SDC3: variants seen among roughly 807,000 people sequenced by gnomAD.
SDC3 encodes the protein syndecan-3.
SDC3 carries 13 observed loss-of-function variants against 24.4 expected under a neutral mutation model. That is an observed-to-expected ratio of 0.53 (90% CI 0.35 to 0.85). The LOEUF is 0.85. Ranked by LOEUF, SDC3 falls within the 40% of genes least tolerant of loss-of-function variation. The pLI is 0.01. For synonymous variants in SDC3, 295 were observed against 260.9 expected, an observed-to-expected ratio of 1.13 and a Z score of -1.26; for missense variants, 571 against 584.5, an observed-to-expected ratio of 0.98 and a Z score of 0.24.
At chr1:30,907,120 G>A (rs1002573989) in intron 1 of SDC3, among the ~76,000 whole-genome samples, 1 of 152,208 alleles carries the variant, frequency 6.6e-6, no homozygotes, top group Admixed American at 6.5e-5. Context: ...AACTTGCAGA[G>A]GGCGGCTGGG....
chr1:30,885,984 G>A (rs553131846), intron 1 of SDC3, among the ~76,000 whole-genome samples: 95 of 152,182 alleles, frequency 6.2e-4, no homozygotes, highest in African/African-American at 2.2e-3. Context: ...GCCCTCTCAC[G>A]TCACTCTTGG....
In SDC3 at chr1:30,876,929, T is replaced by C; in HGVS notation, c.493A>G (p.Thr165Ala). Reference protein sequence around the residue: ...RATTVSTTMATTAATSTGDPT... With the variant: ...RATTVSTTMAATAATSTGDPT... ...TCCCCTGTGCTTGTGGCAGCAGTGG[T>C]AGCCATGGTAGTGGAGACGGTGGTG... The change falls in exon 3 of 5, where the codon ACC (threonine) becomes GCC (alanine). Residue 165 changes from threonine (T) to alanine (A), a missense_variant. By Grantham distance (58) the Thr-to-Ala change is moderately conservative. This residue lies in a region of SDC3 where 497 missense variants were observed against 471.6 expected (regional missense o/e 1.05). Transcript: ENST00000339394. 1 of 1,613,674 alleles carries C rather than the reference T, an allele frequency of 6.2e-7. No individual in the cohort carries two copies. The highest frequency in any genetic ancestry group is 1.7e-4 in the Middle Eastern group (1 of 5,974).
At position 30,903,611 on chromosome 1, in the gene SDC3, C is replaced by G. The variant is rs192407599; in HGVS notation, c.138+4838G>C. 3.2e-3 allele frequency among the ~76,000 whole-genome samples: 487 copies of G among 152,188 alleles called. 4 individuals are homozygous for G. The highest frequency in any genetic ancestry group is 0.01 in the Middle Eastern group (3 of 294). ...GGCCAATCCCTCCCACAGGGTGAGA[C>G]AGCATCACTGACCTCCAGGGCTGTG... is the stretch of plus-strand genomic sequence containing the variant. On this transcript the variant is annotated intron_variant, in intron 1 of 4. Transcript: ENST00000339394.
chr1:30,908,853 GC>G (rs373982903), upstream of SDC3: 146,962 of 146,968 alleles, frequency 1, 73,478 homozygotes, highest in Middle Eastern at 1. Context: ...GGCGGGGCGG[GC>G]CCCAGTGCGC....
intron 1 of SDC3, among the ~76,000 whole-genome samples, chr1:30,907,912 C>G (rs977178471): frequency 6.6e-6 from 1 of 152,222 alleles, no homozygotes; most frequent in East Asian, 1.9e-4. Context: ...GAAGGGGAAC[C>G]GATCCGATTC....
intron 3 of SDC3, 103 bp downstream of exon 3, chr1:30,876,449 C>T: frequency 9.6e-7 from 1 of 1,041,646 alleles, no homozygotes; most frequent in Non-Finnish European, 1.3e-6. Context: ...TGGCTCATCT[C>T]TATAGCCTCC....
chr1:30,878,783 T>C (rs1639692846), intron 1 of SDC3, 43 bp from the exon 2 acceptor site: 17 of 1,557,382 alleles, frequency 1.1e-5, no homozygotes, highest in Non-Finnish European at 1.4e-5. Flanking sequence ...CACCCGAGAC[T>C]GGCAGCCTGG....
chr1:30,876,445 A>C, intron 3 of SDC3, 107 bp downstream of exon 3: 1 of 965,832 alleles, frequency 1.0e-6, no homozygotes, highest in East Asian at 2.7e-5. Context: ...TGTCTGGCTC[A>C]TCTCTATAGC....
chr1:30,878,576 C>G, intron 2 of SDC3, 47 bp downstream of exon 2: 1 of 1,503,848 alleles, frequency 6.6e-7, no homozygotes, highest in East Asian at 2.3e-5. Flanking sequence ...AGGCTGGATA[C>G]AGACTGGTCA....
At position 30,873,091 on chromosome 1, in the gene SDC3, G is replaced by C. The variant is rs1639569115; in HGVS notation, c.*120C>G. 2.7e-6 allele frequency: 2 copies of C among 742,080 alleles called. No homozygotes were observed. Among genetic ancestry groups the C allele is most frequent in the Admixed American group, 2.2e-5 (1 of 46,118 alleles). The allele number at this position is 742,080 out of a possible 1,614,324, so 46.0% of individuals were successfully genotyped here. ...GGCAGCCTGGGCAGACCTTGGGAGA[G>C]AGGGCAGAGAAGAACTGGGGCCAGG... On this transcript the variant is annotated 3_prime_UTR_variant, in exon 5 of 5. Coordinates refer to ENST00000339394, the MANE Select transcript of SDC3 (RefSeq NM_014654.4).
intron 1 of SDC3, among the ~76,000 whole-genome samples, chr1:30,887,941 G>A (rs1012775321): frequency 1.3e-5 from 2 of 152,242 alleles, no homozygotes; most frequent in African/African-American, 4.8e-5. Flanking sequence ...ATCCAGCCAG[G>A]AGGACTCCAA....
chr1:30,878,917 G>A, intron 1 of SDC3, 177 bp from the exon 2 acceptor site: 2 of 577,064 alleles, frequency 3.5e-6, no homozygotes, highest in South Asian at 2.2e-5. Flanking sequence ...GGGGTGGGGT[G>A]TGGCAAGTCA....
At chr1:30,894,218 T>A (rs1639951802) in intron 1 of SDC3, among the ~76,000 whole-genome samples, 1 of 147,938 alleles carries the variant, frequency 6.8e-6, no homozygotes, top group Non-Finnish European at 1.5e-5. Context: ...AGTGTGTGTG[T>A]GAGTGTGTGG....
At chr1:30,896,921 C>T (rs1257112401) in intron 1 of SDC3, among the ~76,000 whole-genome samples, 1 of 152,140 alleles carries the variant, frequency 6.6e-6, no homozygotes. Context: ...CAAGATCACA[C>T]CACTGCACTC....
chr1:30,895,060 A>G (rs570806249), intron 1 of SDC3, among the ~76,000 whole-genome samples: 15 of 152,162 alleles, frequency 9.9e-5, no homozygotes, highest in Admixed American at 5.9e-4. Context: ...GCATCTCCCA[A>G]CTTCCTTAAT....
At chr1:30,887,880 C>A (rs532710417) in intron 1 of SDC3, among the ~76,000 whole-genome samples, 9 of 152,338 alleles carry the variant, frequency 5.9e-5, no homozygotes, top group African/African-American at 2.2e-4. Context: ...CCTCAGTCTC[C>A]CTGTGTGTAA....
intron 4 of SDC3, 75 bp from the exon 5 acceptor site, chr1:30,873,452 G>A: frequency 9.1e-7 from 1 of 1,093,922 alleles, no homozygotes. Context: ...AGGGGTGGGG[G>A]CCAGGGTGAG....
At chr1:30,873,458 G>A in intron 4 of SDC3, 81 bp from the exon 5 acceptor site, 1 of 986,304 alleles carries the variant, frequency 1.0e-6, no homozygotes, top group Non-Finnish European at 1.6e-6. Flanking sequence ...GGGGGCCAGG[G>A]TGAGGAGAGG....
chr1:30,896,667 G>C (rs1638267111), intron 1 of SDC3, among the ~76,000 whole-genome samples: 1 of 152,210 alleles, frequency 6.6e-6, no homozygotes, highest in Non-Finnish European at 1.5e-5. Context: ...TGGTAGAAGC[G>C]TGGGATGTAC....
Sources: gnomAD v4.1 joint callset for allele counts (sites outside exome capture counted in the v4.1 genomes callset) on GRCh38, gnomAD v4.1.1 for gene constraint, gnomAD v4.1.1 regional missense constraint, MANE v1.5 for transcripts, NCBI Gene and HGNC (gene_info 2026-07-23, HGNC 2026-07-21) for gene names.